The following LSM12 variants were observed in gnomAD, a reference collection of about 807,000 sequenced individuals.
The protein encoded by LSM12 is LSM12 homolog, also known as protein LSM12.
For missense variants in LSM12, 108 were observed against 238.9 expected (o/e 0.45, Z 3.61); for synonymous variants, 74 against 87.3 (o/e 0.85, Z 0.85).
chr17:44,063,195 G>C (rs1187631178), intron 2 of LSM12, among the ~76,000 whole-genome samples: 1 of 152,130 alleles, frequency 6.6e-6, no homozygotes, highest in Non-Finnish European at 1.5e-5. Context: ...AGGCGTTCAA[G>C]TTCAACCTGG....
intron 2 of LSM12, among the ~76,000 whole-genome samples, chr17:44,052,307 T>C (rs571542123): frequency 6.7e-6 from 1 of 149,878 alleles, no homozygotes; most frequent in East Asian, 2.0e-4. Context: ...TGAGACCCTG[T>C]TTCTACAAAA....
At chr17:44,040,517 A>G (rs572548125) in intron 2 of LSM12, among the ~76,000 whole-genome samples, 22 of 152,326 alleles carry the variant, frequency 1.4e-4, no homozygotes, top group African/African-American at 5.3e-4. Flanking sequence ...GCTAGGCTAA[A>G]TATAGCCTGA....
chr17:44,048,417 G>A (rs541581862), intron 2 of LSM12, among the ~76,000 whole-genome samples: 1 of 151,154 alleles, frequency 6.6e-6, no homozygotes, highest in Admixed American at 6.6e-5. Flanking sequence ...GGGAGGCGGA[G>A]GTTTCAGTTA....
At chr17:44,048,208 G>A (rs985264138) in intron 2 of LSM12, among the ~76,000 whole-genome samples, 1 of 151,946 alleles carries the variant, frequency 6.6e-6, no homozygotes, top group African/African-American at 2.4e-5. Context: ...CAGGCCAAGA[G>A]CAGTGGCTCA....
At chr17:44,058,367 T>C (rs2049748725) in intron 2 of LSM12, among the ~76,000 whole-genome samples, 2 of 152,146 alleles carry the variant, frequency 1.3e-5, no homozygotes, top group Admixed American at 1.3e-4. Context: ...TAGACTACCC[T>C]GCCCCTGACC....
chr17:44,061,542 A>C (rs35070466), intron 2 of LSM12, among the ~76,000 whole-genome samples: 1,975 of 152,324 alleles, frequency 0.013, 56 homozygotes, highest in African/African-American at 0.046. Flanking sequence ...TCACTAAAAA[A>C]TGTGTGGCAT....
At chr17:44,058,036 A>C (rs557257473) in intron 2 of LSM12, among the ~76,000 whole-genome samples, 42 of 151,880 alleles carry the variant, frequency 2.8e-4, no homozygotes, top group African/African-American at 8.7e-4. Flanking sequence ...GGAGATTGAG[A>C]CCATCCTAGC....
At chr17:44,047,971 C>G (rs1336596834) in intron 2 of LSM12, among the ~76,000 whole-genome samples, 1 of 148,546 alleles carries the variant, frequency 6.7e-6, no homozygotes, top group Admixed American at 6.8e-5. Flanking sequence ...ATCACTTGAG[C>G]CAGGGGTTCA....
rs1188069733 is a variant in LSM12 at position 44,034,365 on chromosome 17, C to T, written c.*1843G>A. Among the ~76,000 whole-genome samples, 2 of 150,858 alleles carry T rather than the reference C, an allele frequency of 1.3e-5. No homozygotes were observed. Among genetic ancestry groups the T allele is most frequent in the African/African-American group, 5.0e-5 (2 of 40,194 alleles). On this transcript the variant is annotated 3_prime_UTR_variant, in exon 5 of 5. Coordinates refer to ENST00000293406, the MANE Select transcript of LSM12 (RefSeq NM_001371445.1). ...GAAAGTTTACTTCTCAGCTCGCCGA[C>T]CATTTGTGCCTCCAAACAGTCCTGT...
chr17:44,061,893 G>A (rs1477576337), intron 2 of LSM12, among the ~76,000 whole-genome samples: 2 of 152,148 alleles, frequency 1.3e-5, no homozygotes, highest in African/African-American at 4.8e-5. Flanking sequence ...CCCCATCCCT[G>A]CAGAATAAAG....
chr17:44,066,402 C>G (rs2049877878), intron 1 of LSM12, 62 bp downstream of exon 1: 2 of 1,489,908 alleles, frequency 1.3e-6, no homozygotes, highest in Non-Finnish European at 1.8e-6. Context: ...CGTCGTCCCC[C>G]ACCCCCCGAC....
upstream of LSM12, chr17:44,066,723 G>T: frequency 8.8e-7 from 1 of 1,141,488 alleles, no homozygotes; most frequent in Non-Finnish European, 1.1e-6. Flanking sequence ...GGCGCTGGTT[G>T]GGGCGGGATC....
chr17:44,046,074 C>G (rs1012647336), intron 2 of LSM12, among the ~76,000 whole-genome samples: 4 of 150,710 alleles, frequency 2.7e-5, no homozygotes, highest in Non-Finnish European at 4.4e-5. Context: ...GTAGCTGGGA[C>G]TACAGGCGCC....
rs749545734 is a variant in LSM12 at position 44,041,281 on chromosome 17, AAAAAAAC to A, written c.259-1032_259-1026del. ...GTGAGACTCTGTCTCTTTAAAAAAA[AAAAAAAC>A]AAACACACACACACACACACACACA... On this transcript the variant is annotated intron_variant, in intron 2 of 4. Coordinates refer to ENST00000293406, the MANE Select transcript of LSM12 (RefSeq NM_001371445.1). Among the ~76,000 whole-genome samples, 659 of 131,242 alleles carry A rather than the reference AAAAAAAC, an allele frequency of 5.0e-3. 3 individuals carry two copies. The highest frequency in any genetic ancestry group is 0.012 in the Middle Eastern group (3 of 258). The allele number at this position is 131,242 out of a possible 152,430, so 86.1% of individuals were successfully genotyped here.
chr17:44,058,704 C>G (rs184098215), intron 2 of LSM12, among the ~76,000 whole-genome samples: 1 of 152,210 alleles, frequency 6.6e-6, no homozygotes, highest in African/African-American at 2.4e-5. Flanking sequence ...TGGTGGCGCA[C>G]GCCTGTAATC....
Position 44,059,516 on chromosome 17 carries a change from G to A in LSM12, c.258+4285C>T, listed in dbSNP as rs1394552205. ...CTGAGACAGGAGAATCGCTTGAACCGAGATCACACCGGGCAATGGACTGAG... is the reference window on the plus strand; with the variant it reads ...CTGAGACAGGAGAATCGCTTGAACCAAGATCACACCGGGCAATGGACTGAG... On this transcript the variant is annotated intron_variant, in intron 2 of 4. Coordinates refer to ENST00000293406, the MANE Select transcript of LSM12 (RefSeq NM_001371445.1). 4.6e-5 allele frequency among the ~76,000 whole-genome samples: 7 copies of A among 151,422 alleles called. No individual in the cohort carries two copies. The East Asian group carries it at 9.8e-4, about 21-fold the overall frequency.
intron 4 of LSM12, among the ~76,000 whole-genome samples, chr17:44,036,689 G>GAA (rs59987165): frequency 2.7e-4 from 39 of 146,204 alleles, no homozygotes; most frequent in East Asian, 7.8e-4. Flanking sequence ...TTCCTCAGAG[G>GAA]AAAAAAAAAA....
chr17:44,061,868 T>C (rs2049799366), intron 2 of LSM12, among the ~76,000 whole-genome samples: 1 of 152,090 alleles, frequency 6.6e-6, no homozygotes, highest in Non-Finnish European at 1.5e-5. Flanking sequence ...CAATAGTAAA[T>C]AAAATAGGTA....
rs754049528 is a variant in LSM12, at chr17:44,057,157, CTT to C, written c.258+6642_258+6643del. Among the ~76,000 whole-genome samples the C allele has an allele frequency of 4.9e-4, 70 of 141,934 alleles. 1 individual carries two copies. The highest frequency in any genetic ancestry group is 8.5e-4 in the Non-Finnish European group (55 of 64,718). 93.1% of individuals were successfully genotyped at this position (141,934 alleles called of 152,430 possible). A position where few individuals can be genotyped will look rare whatever the true frequency, so the allele number is the denominator to read the frequency against. On this transcript the variant is annotated intron_variant, in intron 2 of 4. Coordinates refer to ENST00000293406, the MANE Select transcript of LSM12 (RefSeq NM_001371445.1). ...GGCAACAGAGTAAGACTTTTTTTTT[CTT>C]TTTTTTTTGAGACGGAGTCTCGCTC...
Sources: allele counts gnomAD v4.1 joint callset (sites outside exome capture counted in the v4.1 genomes callset), GRCh38; gene constraint gnomAD v4.1.1; transcripts MANE v1.5; gene names NCBI Gene and HGNC (gene_info 2026-07-23, HGNC 2026-07-21).